The following ST3GAL3 variants were observed in gnomAD, a reference collection of about 807,000 sequenced individuals.
ST3GAL3 encodes the protein ST3 beta-galactoside alpha-2,3-sialyltransferase 3.
A neutral mutation model predicts 50.1 loss-of-function variants in ST3GAL3; 21 were observed. That is an observed-to-expected ratio of 0.42 (90% CI 0.30 to 0.60). The LOEUF (loss-of-function observed/expected upper bound fraction) is 0.60. ST3GAL3 is among the 20% of genes least tolerant of loss of function. The pLI, the probability that ST3GAL3 is intolerant of heterozygous loss-of-function variation, is 0.19. For missense variants in ST3GAL3, 353 were observed against 489.4 expected (o/e 0.72, Z 2.63); for synonymous variants, 183 against 190.0 (o/e 0.96, Z 0.30).
At chr1:43,823,813 G>A (rs1348045720) in intron 4 of ST3GAL3, among the ~76,000 whole-genome samples, 1 of 152,168 alleles carries the variant, frequency 6.6e-6, no homozygotes, top group Admixed American at 6.5e-5. Flanking sequence ...GTATTTAAAT[G>A]CATTTTAACA....
chr1:43,869,819 G>T (rs573258768), intron 5 of ST3GAL3, among the ~76,000 whole-genome samples: 17 of 152,200 alleles, frequency 1.1e-4, no homozygotes, highest in South Asian at 6.2e-4. Flanking sequence ...TTCTGTTCTT[G>T]TCTAAGCAGT....
At chr1:43,826,339 G>T (rs373298654) in intron 4 of ST3GAL3, among the ~76,000 whole-genome samples, 41 of 152,280 alleles carry the variant, frequency 2.7e-4, no homozygotes, top group African/African-American at 9.9e-4. Flanking sequence ...GAAATGGACT[G>T]ATTCCTTGAA....
chr1:43,718,797 C>T (rs1036710734), intron 1 of ST3GAL3, among the ~76,000 whole-genome samples: 3 of 150,408 alleles, frequency 2.0e-5, no homozygotes, highest in Admixed American at 6.7e-5. Context: ...ACATGATTCT[C>T]CTGCCTCAGC....
intron 4 of ST3GAL3, among the ~76,000 whole-genome samples, chr1:43,827,638 G>C (rs541536150): frequency 2.6e-4 from 40 of 152,088 alleles, no homozygotes; most frequent in Non-Finnish European, 5.0e-4. Context: ...AAGTAGCTGG[G>C]ACTACAGGCG....
chr1:43,841,242 C>CA (rs908652802), intron 5 of ST3GAL3: 1 of 152,368 alleles, frequency 6.6e-6, no homozygotes, highest in Non-Finnish European at 1.5e-5. Context: ...GCCCCCTTCT[C>CA]ACAGCTCCAC....
chr1:43,862,739 C>T (rs866233891), intron 5 of ST3GAL3, among the ~76,000 whole-genome samples: 3 of 133,092 alleles, frequency 2.3e-5, no homozygotes, highest in Admixed American at 7.8e-5. Flanking sequence ...GAGACTCTGT[C>T]TCTACCAAAA....
intron 11 of ST3GAL3, among the ~76,000 whole-genome samples, chr1:43,924,690 G>A (rs1166299645): frequency 6.6e-6 from 1 of 152,170 alleles, no homozygotes; most frequent in African/African-American, 2.4e-5. Flanking sequence ...GACAATGAGA[G>A]GTGATGAGAG....
intron 2 of ST3GAL3, among the ~76,000 whole-genome samples, chr1:43,769,710 C>A (rs547350010): frequency 6.6e-6 from 1 of 152,228 alleles, no homozygotes; most frequent in African/African-American, 2.4e-5. Flanking sequence ...CTTGAGAACT[C>A]CTGTAATTAG....
At chr1:43,752,467 C>T (rs1189951089) in intron 2 of ST3GAL3, among the ~76,000 whole-genome samples, 1 of 152,098 alleles carries the variant, frequency 6.6e-6, no homozygotes, top group Non-Finnish European at 1.5e-5. Flanking sequence ...AATATTTTTT[C>T]CTTGGCTCTT....
At chr1:43,843,670 G>C (rs2065782201) in intron 5 of ST3GAL3, among the ~76,000 whole-genome samples, 1 of 152,134 alleles carries the variant, frequency 6.6e-6, no homozygotes, top group Non-Finnish European at 1.5e-5. Flanking sequence ...TTTATGAAAT[G>C]TTTGATAGAA....
At chr1:43,851,332 C>A (rs1201282342) in intron 5 of ST3GAL3, 2 of 1,519,800 alleles carry the variant, frequency 1.3e-6, no homozygotes, top group Non-Finnish European at 1.8e-6. Context: ...CCATGATGCA[C>A]CCATGGGTTT....
chr1:43,828,772 G>C (rs2063151770), intron 4 of ST3GAL3, among the ~76,000 whole-genome samples: 1 of 152,170 alleles, frequency 6.6e-6, no homozygotes, highest in South Asian at 2.1e-4. Flanking sequence ...TGCTGACAAG[G>C]ATGTGGAGCA....
intron 6 of ST3GAL3, chr1:43,896,874 A>G (rs940132973): frequency 2.6e-5 from 4 of 152,064 alleles, no homozygotes; most frequent in African/African-American, 9.7e-5. Context: ...ACATATTTAT[A>G]TATTTATTAA....
At chr1:43,886,941 T>C (rs2076075464) in intron 5 of ST3GAL3, among the ~76,000 whole-genome samples, 1 of 152,204 alleles carries the variant, frequency 6.6e-6, no homozygotes, top group South Asian at 2.1e-4. Flanking sequence ...CATAGCATGA[T>C]AGAAAGATCT....
At chr1:43,882,794 A>G (rs2075352390) in intron 5 of ST3GAL3, among the ~76,000 whole-genome samples, 1 of 151,950 alleles carries the variant, frequency 6.6e-6, no homozygotes, top group Non-Finnish European at 1.5e-5. Context: ...TATAGGCTGT[A>G]GTTTGCCTGA....
At chr1:43,791,477 C>G (rs1207842380) in intron 2 of ST3GAL3, among the ~76,000 whole-genome samples, 1 of 152,106 alleles carries the variant, frequency 6.6e-6, no homozygotes, top group Non-Finnish European at 1.5e-5. Flanking sequence ...ATCTTGTAAC[C>G]ATTCATTTCC....
rs556213574 is a variant in ST3GAL3 at position 43,897,088 on chromosome 1, G to T, written c.398-1147G>T. 2.9e-3 allele frequency among the ~76,000 whole-genome samples: 358 copies of T among 124,704 alleles called. 1 individual carries two copies. The highest frequency in any genetic ancestry group is 4.7e-3 in the Admixed American group (59 of 12,596). 81.8% of individuals were successfully genotyped at this position (124,704 alleles called of 152,430 possible). A position where few individuals can be genotyped will look rare whatever the true frequency, so the allele number is the denominator to read the frequency against. ...GATTTCATACACCACATTTAATCTG[G>T]TTTTTTTTTTTTTTGGTGGACATTC... On this transcript the variant is annotated intron_variant, in intron 6 of 11. Transcript: ENST00000347631.
intron 1 of ST3GAL3, among the ~76,000 whole-genome samples, chr1:43,725,489 C>T (rs961973769): frequency 2.6e-5 from 4 of 152,110 alleles, no homozygotes; most frequent in Admixed American, 1.3e-4. Flanking sequence ...TGAGCCGCTG[C>T]GCCTGGCCTG....
intron 2 of ST3GAL3, among the ~76,000 whole-genome samples, chr1:43,746,399 G>T (rs1441324811): frequency 6.6e-6 from 1 of 152,064 alleles, no homozygotes. Context: ...GCTGCATGGT[G>T]GTAATGGATG....
Sources: gnomAD v4.1 joint callset for allele counts (sites outside exome capture counted in the v4.1 genomes callset) on GRCh38, gnomAD v4.1.1 for gene constraint, MANE v1.5 for transcripts, NCBI Gene and HGNC (gene_info 2026-07-23, HGNC 2026-07-21) for gene names.